Variants in MBD5 observed in about 807,000 individuals in gnomAD.
MBD5 encodes methyl-CpG-binding domain protein 5.
A neutral mutation model predicts 117.3 loss-of-function variants in MBD5; 13 were observed. The ratio of observed to expected loss-of-function variants is 0.11; its 90% CI spans 0.07 to 0.18. The LOEUF (loss-of-function observed/expected upper bound fraction) is 0.18. Ranked by LOEUF, MBD5 falls within the 10% of genes least tolerant of loss-of-function variation. The pLI, the probability that MBD5 is intolerant of heterozygous loss-of-function variation, is 1.00. For missense variants in MBD5, 1,879 were observed against 2,093.8 expected, an observed-to-expected ratio of 0.90 and a Z score of 2.00; for synonymous variants, 727 against 766.4, an observed-to-expected ratio of 0.95 and a Z score of 0.85.
rs777019105 is a variant in MBD5, at chr2:148,490,461, A to G, written c.4829A>G (p.His1610Arg). The G allele has an allele frequency of 6.2e-7, 1 of 1,614,206 alleles. No homozygotes were observed. Among genetic ancestry groups the G allele is most frequent in the South Asian group, 1.1e-5 (1 of 91,078 alleles). Residue 1610 changes from histidine (H) to arginine (R), a missense_variant, in exon 11 of 14, where the codon CAT becomes CGT. Physicochemically the swap from His to Arg is conservative, Grantham distance 29. Coordinates refer to ENST00000642680, the MANE Select transcript of MBD5 (RefSeq NM_001378120.1). ...PDSPSSNELI[H>R]YRPRTFNVGD... ...TCCCCCTCTTCAAATGAATTGATACATTATAGACCAAGGACGTTCAATGTT... is the reference window on the plus strand; with the variant it reads ...TCCCCCTCTTCAAATGAATTGATACGTTATAGACCAAGGACGTTCAATGTT...
intron 1 of MBD5, among the ~76,000 whole-genome samples, chr2:148,023,223 T>C (rs2105529098): frequency 6.6e-6 from 1 of 152,200 alleles, no homozygotes; most frequent in African/African-American, 2.4e-5. Flanking sequence ...CTAGAAAGGA[T>C]TGAAGAAATA....
intron 1 of MBD5, among the ~76,000 whole-genome samples, chr2:148,122,667 G>A (rs13396632): frequency 9.7e-4 from 147 of 152,216 alleles, no homozygotes; most frequent in Middle Eastern, 3.4e-3. Flanking sequence ...GTGGCTTGAC[G>A]AAACTAACGG....
At position 148,502,949 on chromosome 2, in the gene MBD5, T is replaced by C. The variant is rs535490566; in HGVS notation, c.5036+440T>C. On this transcript the variant is annotated intron_variant, in intron 12 of 13. Transcript: ENST00000642680. The stretch of plus-strand genomic sequence containing the variant: ...GTCAAAGTGATGCTAAATAAAGATT[T>C]TTTTTGTTGCATCAGGGATGTGGAC... 9.3e-5 allele frequency: 18 copies of C among 193,282 alleles called. No individual in the cohort carries two copies. The South Asian group carries it at 1.7e-3, about 19-fold the overall frequency. The allele number at this position is 193,282 out of a possible 1,614,324, so 12.0% of individuals were successfully genotyped here.
chr2:148,045,986 T>A (rs989041257), intron 1 of MBD5, among the ~76,000 whole-genome samples: 16 of 134,134 alleles, frequency 1.2e-4, no homozygotes, highest in South Asian at 2.6e-4. Flanking sequence ...TTTTTTTTTT[T>A]TTTTTTTTTT....
At chr2:148,098,419 G>T (rs1187103355) in intron 1 of MBD5, among the ~76,000 whole-genome samples, 3 of 152,148 alleles carry the variant, frequency 2.0e-5, no homozygotes, top group Non-Finnish European at 4.4e-5. Context: ...TGAGACAAGA[G>T]ATCCTAGCTA....
chr2:148,406,958 G>A (rs1705097953), intron 4 of MBD5, among the ~76,000 whole-genome samples: 3 of 152,104 alleles, frequency 2.0e-5, no homozygotes, highest in Admixed American at 1.3e-4. Flanking sequence ...AACATGACCT[G>A]CAATTATTTT....
chr2:148,405,523 T>G (rs12328905), intron 4 of MBD5, among the ~76,000 whole-genome samples: 2,561 of 144,962 alleles, frequency 0.018, 77 homozygotes, highest in African/African-American at 0.065. Flanking sequence ...AAGTTCGACA[T>G]GTTCAAGGAA....
At chr2:148,289,038 CTATT>C in intron 3 of MBD5, among the ~76,000 whole-genome samples, 1 of 152,276 alleles carries the variant, frequency 6.6e-6, no homozygotes. Flanking sequence ...TTTTCTGAAA[CTATT>C]TATTTAAATC....
At chr2:148,291,184 C>T (rs909330252) in intron 3 of MBD5, among the ~76,000 whole-genome samples, 9 of 152,112 alleles carry the variant, frequency 5.9e-5, no homozygotes, top group Admixed American at 5.2e-4. Context: ...GGCTATTCTA[C>T]GTTCTATCAA....
At chr2:148,498,590 C>A (rs1485953833) in intron 11 of MBD5, among the ~76,000 whole-genome samples, 1 of 152,180 alleles carries the variant, frequency 6.6e-6, no homozygotes, top group Non-Finnish European at 1.5e-5. Flanking sequence ...CCCGCCTCGA[C>A]CTCCCAAAGT....
chr2:148,280,495 G>A (rs1343377799), intron 3 of MBD5, among the ~76,000 whole-genome samples: 1 of 152,080 alleles, frequency 6.6e-6, no homozygotes. Flanking sequence ...GCAGTGGCAC[G>A]ATCACAGCTC....
intron 4 of MBD5, among the ~76,000 whole-genome samples, chr2:148,361,926 A>G (rs985479367): frequency 6.6e-6 from 1 of 152,180 alleles, no homozygotes; most frequent in African/African-American, 2.4e-5. Flanking sequence ...GACAGGAGAG[A>G]CTGTGCCATG....
chr2:148,056,428 G>T (rs1306638501), intron 1 of MBD5, among the ~76,000 whole-genome samples: 1 of 151,888 alleles, frequency 6.6e-6, no homozygotes, highest in Admixed American at 6.6e-5. Flanking sequence ...TACGTTCCAG[G>T]TGTTACCTTT....
intron 12 of MBD5, among the ~76,000 whole-genome samples, chr2:148,504,067 T>C (rs1681952163): frequency 6.6e-6 from 1 of 152,240 alleles, no homozygotes; most frequent in South Asian, 2.1e-4. Flanking sequence ...GTATTTGCTA[T>C]TAAGCAATTT....
intron 2 of MBD5, among the ~76,000 whole-genome samples, chr2:148,217,209 G>T (rs1699579063): frequency 1.3e-5 from 2 of 152,168 alleles, no homozygotes; most frequent in Non-Finnish European, 2.9e-5. Flanking sequence ...GGGGTGGGTG[G>T]GTGAAGCGTA....
intron 3 of MBD5, among the ~76,000 whole-genome samples, chr2:148,302,671 G>C (rs981304031): frequency 7.2e-5 from 11 of 151,828 alleles, no homozygotes; most frequent in Non-Finnish European, 1.3e-4. Flanking sequence ...GTCTTACTCT[G>C]TCACCCAAAC....
intron 3 of MBD5, chr2:148,330,615 T>G (rs1702622226): frequency 6.6e-6 from 1 of 152,188 alleles, no homozygotes; most frequent in African/African-American, 2.4e-5. Flanking sequence ...GACATCTATT[T>G]CTAGTCTATG....
chr2:148,213,083 A>G (rs1699466197), intron 2 of MBD5, among the ~76,000 whole-genome samples: 1 of 152,214 alleles, frequency 6.6e-6, no homozygotes, highest in Non-Finnish European at 1.5e-5. Context: ...GCTCTTTGAA[A>G]GCAGGAACTG....
At chr2:148,254,805 C>G (rs556183530) in intron 3 of MBD5, among the ~76,000 whole-genome samples, 9 of 152,306 alleles carry the variant, frequency 5.9e-5, no homozygotes, top group Admixed American at 3.9e-4. Flanking sequence ...CACAGTGTTG[C>G]TCTATGCACT....
Sources: gnomAD v4.1 joint callset for allele counts (sites outside exome capture counted in the v4.1 genomes callset) on GRCh38, gnomAD v4.1.1 for gene constraint, MANE v1.5 for transcripts, NCBI Gene and HGNC (gene_info 2026-07-23, HGNC 2026-07-21) for gene names.